Variants in NBAS observed in about 807,000 individuals in gnomAD.
NBAS encodes the protein NBAS subunit of NRZ tethering complex.
NBAS carries 219 observed loss-of-function variants against 302.5 expected under a neutral mutation model. That is an observed-to-expected ratio of 0.72 (90% CI 0.65 to 0.81). The LOEUF is 0.81. NBAS is among the 30% of genes least tolerant of loss of function. NBAS has a pLI of 0.00. For synonymous variants in NBAS, 1,118 were observed against 1,021.6 expected (o/e 1.09, Z -1.80); for missense variants, 2,932 against 2,841.6 (o/e 1.03, Z -0.72).
At chr2:15,109,937 G>A in the NBAS span, among the ~76,000 whole-genome samples, 2 of 151,980 alleles carry the variant, frequency 1.3e-5, no homozygotes, top group Non-Finnish European at 2.9e-5. Context: ...AATGTTTATT[G>A]TCCATTCTCA....
chr2:15,070,000 C>CT, the NBAS span, among the ~76,000 whole-genome samples: 1 of 151,866 alleles, frequency 6.6e-6, no homozygotes, highest in East Asian at 1.9e-4. Context: ...TCAGAACCCC[C>CT]CCACCATGAG....
At chr2:15,506,286 C>T (rs938310471) in intron 10 of NBAS, among the ~76,000 whole-genome samples, 13 of 152,006 alleles carry the variant, frequency 8.6e-5, no homozygotes, top group African/African-American at 3.1e-4. Flanking sequence ...TCTGAATCTA[C>T]ACACTAAAAG....
chr2:14,931,282 A>G, the NBAS span, among the ~76,000 whole-genome samples: 1 of 152,212 alleles, frequency 6.6e-6, no homozygotes, highest in Non-Finnish European at 1.5e-5. Flanking sequence ...GTCCAAGAAA[A>G]TTGAGCAGTT....
chr2:14,920,023 CT>C, the NBAS span, among the ~76,000 whole-genome samples: 1 of 152,196 alleles, frequency 6.6e-6, no homozygotes, highest in Non-Finnish European at 1.5e-5. Flanking sequence ...TTTCAATTTA[CT>C]TTGCCAAGGC....
chr2:15,100,571 G>C, the NBAS span, among the ~76,000 whole-genome samples: 1 of 152,196 alleles, frequency 6.6e-6, no homozygotes, highest in African/African-American at 2.4e-5. Context: ...TGAATTAGTT[G>C]TTGAACTTGA....
chr2:15,317,800 T>C (rs1671585041), intron 38 of NBAS, among the ~76,000 whole-genome samples: 1 of 152,018 alleles, frequency 6.6e-6, no homozygotes, highest in East Asian at 1.9e-4. Context: ...ACGGGGAGAA[T>C]GGAAACAAGT....
At chr2:15,277,735 T>C (rs1359407188) in intron 42 of NBAS, among the ~76,000 whole-genome samples, 1 of 152,186 alleles carries the variant, frequency 6.6e-6, no homozygotes, top group Non-Finnish European at 1.5e-5. Flanking sequence ...TTAGATGTCT[T>C]TGTAATCTAA....
chr2:15,058,621 G>T, the NBAS span, among the ~76,000 whole-genome samples: 1 of 152,140 alleles, frequency 6.6e-6, no homozygotes. Flanking sequence ...TCTAATCTAG[G>T]TTATTGTACT....
the NBAS span, among the ~76,000 whole-genome samples, chr2:15,099,963 C>T: frequency 6.6e-6 from 1 of 152,160 alleles, no homozygotes; most frequent in Admixed American, 6.5e-5. Flanking sequence ...ACTATTAGAA[C>T]ACATGTAGTA....
chr2:14,785,613 G>A, the NBAS span, among the ~76,000 whole-genome samples: 18 of 152,278 alleles, frequency 1.2e-4, no homozygotes, highest in South Asian at 3.7e-3. Flanking sequence ...TTTATGTGCT[G>A]GATTACATTT....
intron 9 of NBAS, among the ~76,000 whole-genome samples, chr2:15,521,337 A>G (rs1452570976): frequency 6.6e-6 from 1 of 152,044 alleles, no homozygotes; most frequent in Admixed American, 6.6e-5. Context: ...CTGTAATTTC[A>G]CCGAAGAAAA....
chr2:14,805,040 T>C, the NBAS span, among the ~76,000 whole-genome samples: 1 of 152,168 alleles, frequency 6.6e-6, no homozygotes, highest in Non-Finnish European at 1.5e-5. Flanking sequence ...ACTCCACACA[T>C]ACAATATGCC....
intron 5 of NBAS, among the ~76,000 whole-genome samples, chr2:15,552,929 C>T (rs1249993026): frequency 6.6e-6 from 1 of 152,000 alleles, no homozygotes; most frequent in Non-Finnish European, 1.5e-5. Flanking sequence ...CTCAGCCTCC[C>T]GAATAGCTGG....
chr2:14,947,450 A>G, the NBAS span, among the ~76,000 whole-genome samples: 23,315 of 152,072 alleles, frequency 0.15, 2,429 homozygotes, highest in African/African-American at 0.3. Flanking sequence ...TATACAACCT[A>G]CCAAGATTGA....
In NBAS at chr2:15,475,891, A is replaced by G. The variant is rs1558374277; in HGVS notation, c.1148-11T>C. ...AAAAGGACTCTTTATCTAAGAAGCG[A>G]AAAACAAATCAATACAAATGCATCT... On this transcript the variant is annotated splice_polypyrimidine_tract_variant and intron_variant, in intron 13 of 51. Transcript: ENST00000281513. 3 of 1,602,088 alleles carry G rather than the reference A, an allele frequency of 1.9e-6. No homozygotes were observed. Among genetic ancestry groups the G allele is most frequent in the Non-Finnish European group, 2.6e-6 (3 of 1,170,080 alleles).
chr2:15,125,519 T>C, the NBAS span, among the ~76,000 whole-genome samples: 4 of 145,108 alleles, frequency 2.8e-5, no homozygotes, highest in South Asian at 2.2e-4. Context: ...ACCAGGCTTA[T>C]CTAAGACTGG....
At position 15,278,770 on chromosome 2, in the gene NBAS, T is replaced by C. The variant is rs867187567; in HGVS notation, c.5139-1669A>G. ...TCACCTGACAAAGGGCACAAAATTA[T>C]AGTCCAATTAAGAGAAGGATCACTA... is the stretch of plus-strand genomic sequence containing the variant. On this transcript the variant is annotated intron_variant, in intron 42 of 51. Coordinates refer to ENST00000281513, the MANE Select transcript of NBAS (RefSeq NM_015909.4). Among the ~76,000 whole-genome samples the C allele has an allele frequency of 1.4e-4, 22 of 152,240 alleles. No homozygotes were observed. The Middle Eastern group carries it at 0.01, about 71-fold the overall frequency.
At chr2:15,508,500 C>T (rs1661977376) in intron 10 of NBAS, among the ~76,000 whole-genome samples, 1 of 152,304 alleles carries the variant, frequency 6.6e-6, no homozygotes, top group Middle Eastern at 3.4e-3. Context: ...CTATACACAT[C>T]CATTTTCCTT....
intron 23 of NBAS, among the ~76,000 whole-genome samples, chr2:15,423,257 T>G (rs1677298415): frequency 6.6e-6 from 1 of 152,198 alleles, no homozygotes; most frequent in Non-Finnish European, 1.5e-5. Context: ...ATTCTACACA[T>G]TTTCAAAAGT....
Sources: allele counts gnomAD v4.1 joint callset (sites outside exome capture counted in the v4.1 genomes callset), GRCh38; gene constraint gnomAD v4.1.1; transcripts MANE v1.5; gene names NCBI Gene and HGNC (gene_info 2026-07-23, HGNC 2026-07-21).